The following GRID2IP variants were observed in gnomAD, a reference collection of about 807,000 sequenced individuals.
GRID2IP encodes Grid2 interacting protein.
In GRID2IP, 78 loss-of-function variants were observed where a neutral mutation model predicts 114.3. That is an observed-to-expected ratio of 0.68 (90% confidence interval 0.57 to 0.82). The LOEUF (loss-of-function observed/expected upper bound fraction) is 0.82, where lower values mean the gene tolerates loss of function less well. Ranked by LOEUF, GRID2IP falls within the 40% of genes least tolerant of loss-of-function variation. The probability of loss-of-function intolerance (pLI) is 0.00; values close to 1 mark genes in which losing one functional copy is unlikely to be tolerated. For missense variants in GRID2IP, 1,727 were observed against 1,678.5 expected (o/e 1.03, Z -0.51); for synonymous variants, 809 against 724.0 (o/e 1.12, Z -1.89).
chr7:6,507,377 C>CT lies in GRID2IP; in HGVS notation c.2544+607dup, dbSNP rs370125964. ...GGAAACCATGTTCTAAGAGAATGAT[C>CT]TGAAAAAAAAAAAAAGGGGTGGGGT... On this transcript the variant is annotated intron_variant, in intron 13 of 21. Transcript: ENST00000457091. This position sits in a 1 kb window ranked among gnomAD's most constrained non-coding sequence, Gnocchi z 5.3. 0.024 allele frequency among the ~76,000 whole-genome samples: 3,418 copies of CT among 139,610 alleles called. 59 individuals carry two copies. The highest frequency in any genetic ancestry group is 0.043 in the Middle Eastern group (12 of 282). 91.6% of individuals were successfully genotyped at this position (139,610 alleles called of 152,430 possible). A position where few individuals can be genotyped will look rare whatever the true frequency, so the allele number is the denominator to read the frequency against.
Position 6,536,764 on chromosome 7 carries a change from A to G in GRID2IP, c.584+2954T>C. 2 of 701,160 alleles carry G rather than the reference A, an allele frequency of 2.9e-6. No individual in the cohort carries two copies. The highest frequency in any genetic ancestry group is 1.7e-5 in the African/African-American group (1 of 57,250). 43.4% of individuals were successfully genotyped at this position (701,160 alleles called of 1,614,324 possible). A position where few individuals can be genotyped will look rare whatever the true frequency, so the allele number is the denominator to read the frequency against. ...TCATCTCCGCGGCAAATTCGGCTCT[A>G]GAAATAACTTTTTTCCTTTTTTCCC... On this transcript the variant is annotated intron_variant, in intron 2 of 21. Coordinates refer to ENST00000457091, the MANE Select transcript of GRID2IP (RefSeq NM_001145118.2). The surrounding 1 kb of genome is among the most constrained non-coding windows in gnomAD (Gnocchi z 5.3).
At position 6,551,019 on chromosome 7, in the gene GRID2IP, A is replaced by T; in HGVS notation, c.418T>A (p.Phe140Ile). The T allele has an allele frequency of 8.1e-7, 1 of 1,228,410 alleles. No individual in the cohort carries two copies. 76.1% of individuals were successfully genotyped at this position (1,228,410 alleles called of 1,614,324 possible). A position where few individuals can be genotyped will look rare whatever the true frequency, so the allele number is the denominator to read the frequency against. The change falls in exon 1 of 22, where the codon TTC becomes ATC. Residue 140 changes from phenylalanine to isoleucine, a missense_variant. Phe to Ile is a conservative substitution (Grantham distance 21). Coordinates refer to ENST00000457091, the MANE Select transcript of GRID2IP (RefSeq NM_001145118.2). ...HRERRRKAQE[F>I]SRKVDEILGD... ...CCCCCGCGCCTTACCTTGCGGCTGAACTCTTGGGCCTTGCGCCTGCGCTCT... is the reference window on the plus strand; with the variant it reads ...CCCCCGCGCCTTACCTTGCGGCTGATCTCTTGGGCCTTGCGCCTGCGCTCT...
chr7:6,535,286 T>G (rs1489214004), intron 2 of GRID2IP, among the ~76,000 whole-genome samples: 2 of 152,212 alleles, frequency 1.3e-5, no homozygotes, highest in African/African-American at 4.8e-5. Context: ...CGCCTCGGCC[T>G]CCTAAAGTGC....
chr7:6,509,757 C>T lies in GRID2IP; in HGVS notation c.1772-444G>A, dbSNP rs1290892280. ...CAGCTGTGCCAACGCTGGTACAACG[C>T]GTTGCACTTGATCATTTATCCAATA... On this transcript the variant is annotated intron_variant, in intron 11 of 21. Transcript: ENST00000457091. The surrounding 1 kb of genome is among the most constrained non-coding windows in gnomAD (Gnocchi z 4.9). Among the ~76,000 whole-genome samples, 1 of 152,234 alleles carries T rather than the reference C, an allele frequency of 6.6e-6. No individual in the cohort carries two copies. Among genetic ancestry groups the T allele is most frequent in the African/African-American group, 2.4e-5 (1 of 41,464 alleles).
intron 20 of GRID2IP, 133 bp from the exon 21 acceptor site, chr7:6,498,361 C>T (rs1786319211): frequency 2.5e-6 from 2 of 790,908 alleles, no homozygotes; most frequent in Non-Finnish European, 2.0e-6. Context: ...GGCCCTGTGT[C>T]CAACAGGGAA....
At chr7:6,549,771 G>A (rs975602818) in intron 1 of GRID2IP, among the ~76,000 whole-genome samples, 4 of 150,828 alleles carry the variant, frequency 2.7e-5, no homozygotes, top group Non-Finnish European at 4.4e-5. Flanking sequence ...ACAGGCGCGC[G>A]CCACCACACC....
At chr7:6,544,803 C>T (rs1019833652) in intron 1 of GRID2IP, among the ~76,000 whole-genome samples, 8 of 151,552 alleles carry the variant, frequency 5.3e-5, no homozygotes, top group Non-Finnish European at 1.0e-4. Flanking sequence ...GAAAGACAGC[C>T]GGGCGCGGTG....
rs73674127 is a variant in GRID2IP at position 6,508,345 on chromosome 7, G to C, written c.2184C>G (p.Ser728Arg). Residue 728 changes from serine (S) to arginine (R), a missense_variant, in exon 13 of 22, where the codon AGC becomes AGG. Transcript: ENST00000457091. The surrounding 1 kb of genome is among the most constrained non-coding windows in gnomAD (Gnocchi z 5.6). ...CTTCTTCACTGCTGCTGATGCAGTC[G>C]CTGGCGCTGCTCCGCTCATTGGTTA... is the stretch of plus-strand genomic sequence containing the variant. ...SFVTNERSSA[S>R]DCISSSEEGS... 1 of 1,551,540 alleles carries C rather than the reference G, an allele frequency of 6.4e-7. No individual in the cohort carries two copies. The highest frequency in any genetic ancestry group is 8.7e-7 in the Non-Finnish European group (1 of 1,147,018).
At chr7:6,505,982 G>C (rs1786572344) in intron 13 of GRID2IP, 75 bp from the exon 14 acceptor site, 7 of 1,053,642 alleles carry the variant, frequency 6.6e-6, no homozygotes, top group African/African-American at 1.6e-5. Flanking sequence ...CCCACCCTCT[G>C]AGGGCTGCCA....
Position 6,519,486 on chromosome 7 carries a change from G to A in GRID2IP, c.1268+1092C>T, listed in dbSNP as rs1170432061. Among the ~76,000 whole-genome samples the A allele has an allele frequency of 6.6e-6, 1 of 151,968 alleles. No homozygotes were observed. Among genetic ancestry groups the A allele is most frequent in the Non-Finnish European group, 1.5e-5 (1 of 67,996 alleles). The stretch of plus-strand genomic sequence containing the variant: ...AACAAAACCAAACCAGGCCAGGTGC[G>A]GTGACTCATGCCTGTAATCCCAGCA... On this transcript the variant is annotated intron_variant, in intron 7 of 21. Coordinates refer to ENST00000457091, the MANE Select transcript of GRID2IP (RefSeq NM_001145118.2). This position sits in a 1 kb window ranked among gnomAD's most constrained non-coding sequence, Gnocchi z 4.1.
At chr7:6,548,600 G>A (rs572286063) in intron 1 of GRID2IP, among the ~76,000 whole-genome samples, 1 of 152,250 alleles carries the variant, frequency 6.6e-6, no homozygotes, top group Admixed American at 6.5e-5. Context: ...CACTCTGGGA[G>A]GCCGCAGCAG....
At chr7:6,545,499 A>C (rs1024297364) in intron 1 of GRID2IP, among the ~76,000 whole-genome samples, 3 of 152,158 alleles carry the variant, frequency 2.0e-5, no homozygotes, top group Non-Finnish European at 4.4e-5. Flanking sequence ...CTCGCTCTTG[A>C]ACTCTGGAAC....
In GRID2IP at chr7:6,523,799, C is replaced by T. The variant is rs970520808; in HGVS notation, c.920-1842G>A. ...TCGGCCTCCCAAAGTGCTGGGATTA[C>T]AAGTGTGAGCCACTGCACCCAGCCA... On this transcript the variant is annotated intron_variant, in intron 4 of 21. Coordinates refer to ENST00000457091, the MANE Select transcript of GRID2IP (RefSeq NM_001145118.2). The surrounding 1 kb of genome is among the most constrained non-coding windows in gnomAD (Gnocchi z 4.5). 2.6e-5 allele frequency among the ~76,000 whole-genome samples: 4 copies of T among 152,142 alleles called. No individual in the cohort carries two copies. The highest frequency in any genetic ancestry group is 6.6e-5 in the Admixed American group (1 of 15,256).
In GRID2IP at chr7:6,502,707, G is replaced by A. The variant is rs373746740; in HGVS notation, c.3150+79C>T. ...GTCACGATGTCCTCTTCTGCCCTCTGCCACAACTGAGCTAGGCCTGGCGTT... is the reference window on the plus strand; with the variant it reads ...GTCACGATGTCCTCTTCTGCCCTCTACCACAACTGAGCTAGGCCTGGCGTT... On this transcript the variant is annotated intron_variant, in intron 18 of 21. Transcript: ENST00000457091. 4.5e-5 allele frequency: 47 copies of A among 1,033,436 alleles called. No individual in the cohort carries two copies. The African/African-American group carries it at 6.0e-4, about 13-fold the overall frequency. The allele number at this position is 1,033,436 out of a possible 1,614,324, so 64.0% of individuals were successfully genotyped here. A position where few individuals can be genotyped will look rare whatever the true frequency, so the allele number is the denominator to read the frequency against.
intron 2 of GRID2IP, among the ~76,000 whole-genome samples, chr7:6,537,644 C>T (rs946390796): frequency 2.0e-5 from 3 of 151,576 alleles, no homozygotes; most frequent in African/African-American, 7.3e-5. Flanking sequence ...TCCCAAAGTG[C>T]TGGGATTACA....
intron 2 of GRID2IP, among the ~76,000 whole-genome samples, chr7:6,537,818 C>A (rs1250148645): frequency 6.6e-6 from 1 of 152,148 alleles, no homozygotes; most frequent in African/African-American, 2.4e-5. Flanking sequence ...CCACTGCACT[C>A]CAGCCTGGAT....
rs1289893178 is a variant in GRID2IP, at chr7:6,503,696, G to A, written c.2711-9C>T. 2.0e-6 allele frequency: 3 copies of A among 1,466,914 alleles called. No homozygotes were observed. Among genetic ancestry groups the A allele is most frequent in the Non-Finnish European group, 2.7e-6 (3 of 1,114,920 alleles). The allele number at this position is 1,466,914 out of a possible 1,614,324, so 90.9% of individuals were successfully genotyped here. On this transcript the variant is annotated splice_polypyrimidine_tract_variant and intron_variant, in intron 15 of 21. Transcript: ENST00000457091. ...GTGTGCCAAGAGGATGGCTGCGGGC[G>A]GGGCGGGGCGGTGAGCTGGGCGGGG... is the stretch of plus-strand genomic sequence containing the variant.
At position 6,536,546 on chromosome 7, in the gene GRID2IP, G is replaced by A. The variant is rs1362373446; in HGVS notation, c.584+3172C>T. On this transcript the variant is annotated intron_variant, in intron 2 of 21. Coordinates refer to ENST00000457091, the MANE Select transcript of GRID2IP (RefSeq NM_001145118.2). The surrounding 1 kb of genome is among the most constrained non-coding windows in gnomAD (Gnocchi z 5.3). ...CGGGAGGGGGCAGGAACAGACACCG[G>A]CAGCGCTGTGGGAGAGGAGAACCGA... Among the ~76,000 whole-genome samples the A allele has an allele frequency of 6.6e-6, 1 of 151,968 alleles. No homozygotes were observed. Among genetic ancestry groups the A allele is most frequent in the African/African-American group, 2.4e-5 (1 of 41,416 alleles).
At chr7:6,546,403 C>T (rs974766481) in intron 1 of GRID2IP, among the ~76,000 whole-genome samples, 1 of 151,022 alleles carries the variant, frequency 6.6e-6, no homozygotes, top group Non-Finnish European at 1.5e-5. Flanking sequence ...CCTGTCTCTA[C>T]TAAAAAAAAT....
Sources: gnomAD v4.1 joint callset for allele counts (sites outside exome capture counted in the v4.1 genomes callset) on GRCh38, gnomAD v4.1.1 for gene constraint, Gnocchi (gnomAD v3.1) non-coding constraint, MANE v1.5 for transcripts, NCBI Gene and HGNC (gene_info 2026-07-23, HGNC 2026-07-21) for gene names.